RGS6: variants seen among roughly 807,000 people sequenced by gnomAD.
RGS6 encodes the protein regulator of G protein signaling 6.
A neutral mutation model predicts 78.5 loss-of-function variants in RGS6; 30 were observed. That is an observed-to-expected ratio of 0.38 (90% confidence interval 0.29 to 0.52). RGS6 has a LOEUF of 0.52. RGS6 is among the 20% of genes least tolerant of loss of function. RGS6 has a pLI of 0.85. For missense variants in RGS6, 495 were observed against 609.7 expected (o/e 0.81, Z 1.98); for synonymous variants, 206 against 206.0 (o/e 1.00, Z 0.00).
At chr14:72,129,004 T>A (rs563738670) in intron 2 of RGS6, among the ~76,000 whole-genome samples, 3 of 152,294 alleles carry the variant, frequency 2.0e-5, no homozygotes, top group Non-Finnish European at 4.4e-5. Context: ...AGTTTTCTTT[T>A]AAAAAAGGTG....
chr14:72,302,989 C>A (rs563986237), intron 2 of RGS6, among the ~76,000 whole-genome samples: 1 of 152,192 alleles, frequency 6.6e-6, no homozygotes, highest in Non-Finnish European at 1.5e-5. Context: ...GTAAGACATG[C>A]CTTTGCTCCT....
intron 2 of RGS6, among the ~76,000 whole-genome samples, chr14:72,120,378 T>G (rs1247497293): frequency 4.6e-5 from 7 of 152,254 alleles, no homozygotes; most frequent in African/African-American, 1.7e-4. Flanking sequence ...GGAAGAGTCT[T>G]GATTTGCTGC....
At chr14:72,407,601 C>T (rs770090549) in intron 3 of RGS6, among the ~76,000 whole-genome samples, 6 of 152,178 alleles carry the variant, frequency 3.9e-5, no homozygotes, top group Non-Finnish European at 7.3e-5. Context: ...CCTCAAGGTC[C>T]GTGTTATTCT....
At chr14:71,979,035 T>G (rs1280810502) in intron 2 of RGS6, among the ~76,000 whole-genome samples, 1 of 151,698 alleles carries the variant, frequency 6.6e-6, no homozygotes, top group Non-Finnish European at 1.5e-5. Flanking sequence ...TTCTAGACTT[T>G]CTAGTTTATT....
intron 2 of RGS6, among the ~76,000 whole-genome samples, chr14:72,136,594 C>T (rs2096446571): frequency 6.6e-6 from 1 of 152,132 alleles, no homozygotes; most frequent in Non-Finnish European, 1.5e-5. Context: ...TCCATGAGAA[C>T]AGTATTGGGG....
intron 2 of RGS6, among the ~76,000 whole-genome samples, chr14:72,085,346 C>T (rs1028005604): frequency 1.3e-5 from 2 of 152,170 alleles, no homozygotes; most frequent in Non-Finnish European, 2.9e-5. Flanking sequence ...GGTTAAGTCA[C>T]TTGCTCAGTG....
the RGS6 span, among the ~76,000 whole-genome samples, chr14:72,613,020 G>C: frequency 2.0e-5 from 3 of 151,996 alleles, no homozygotes; most frequent in African/African-American, 7.2e-5. Context: ...GTGTGTGTGT[G>C]TGTGTGTGTG....
intron 17 of RGS6, among the ~76,000 whole-genome samples, chr14:72,552,402 AGGGCCACC>A (rs2097521020): frequency 6.6e-6 from 1 of 152,128 alleles, no homozygotes; most frequent in Admixed American, 6.6e-5. Flanking sequence ...GGAGGTGGGG[AGGGCCACC>A]AGGCAAATGG....
the RGS6 span, among the ~76,000 whole-genome samples, chr14:72,617,217 C>G: frequency 1.3e-5 from 2 of 152,240 alleles, no homozygotes; most frequent in Non-Finnish European, 2.9e-5. Flanking sequence ...TGTAGAGCCA[C>G]AGTTTGGGGT....
chr14:72,135,878 G>A (rs56118783), intron 2 of RGS6, among the ~76,000 whole-genome samples: 10,222 of 152,142 alleles, frequency 0.067, 395 homozygotes, highest in Non-Finnish European at 0.097. Context: ...GGAGGAAGAG[G>A]AGGAGGAGAG....
the RGS6 span, among the ~76,000 whole-genome samples, chr14:72,589,412 T>G: frequency 2.0e-5 from 3 of 152,124 alleles, no homozygotes; most frequent in African/African-American, 7.2e-5. Flanking sequence ...TAGCTAAGCA[T>G]GGTGGCACAC....
intron 3 of RGS6, among the ~76,000 whole-genome samples, chr14:72,383,286 G>T (rs2086820186): frequency 6.8e-6 from 1 of 147,746 alleles, no homozygotes; most frequent in African/African-American, 2.5e-5. Context: ...ATAAAATAAA[G>T]GTGTATCACG....
intron 1 of RGS6, among the ~76,000 whole-genome samples, chr14:71,939,415 G>A (rs778189939): frequency 2.0e-5 from 3 of 152,188 alleles, no homozygotes; most frequent in Non-Finnish European, 2.9e-5. Flanking sequence ...TAACGTCAAT[G>A]TAATGGACCA....
Position 72,439,246 on chromosome 14 carries a change from T to G in RGS6, c.185-15282T>G, listed in dbSNP as rs138319253. Among the ~76,000 whole-genome samples, 1,276 of 152,346 alleles carry G rather than the reference T, an allele frequency of 8.4e-3. 22 individuals carry two copies. Among genetic ancestry groups the G allele is most frequent in the African/African-American group, 0.029 (1,203 of 41,574 alleles). On this transcript the variant is annotated intron_variant, in intron 3 of 17. Coordinates refer to ENST00000553525, the MANE Select transcript of RGS6 (RefSeq NM_001204424.2). ...GTCAGGGACCACATCTGTTTCTGTC[T>G]CATTCCCCACTTCAGCACAGAGAAC...
intron 3 of RGS6, among the ~76,000 whole-genome samples, chr14:72,363,999 T>TAAAAAAAAAAAAAAAAAAAAAA (rs55943058): frequency 4.3e-5 from 2 of 46,756 alleles, no homozygotes; most frequent in Non-Finnish European, 9.1e-5. Context: ...TGGACAAGGC[T>TAAAAAAAAAAAAAAAAAAAAAA]AAAAAAAAAA....
chr14:72,341,217 G>A (rs530125368), intron 2 of RGS6, among the ~76,000 whole-genome samples: 123 of 152,226 alleles, frequency 8.1e-4, no homozygotes, highest in African/African-American at 2.8e-3. Context: ...CAAAGAGGAC[G>A]AAGTCATGTC....
chr14:72,182,423 A>G (rs1332804099), intron 2 of RGS6, among the ~76,000 whole-genome samples: 9 of 151,580 alleles, frequency 5.9e-5, no homozygotes, highest in African/African-American at 2.2e-4. Flanking sequence ...TCTCAAAAAA[A>G]AAAAAAAAAA....
At chr14:72,299,065 A>T (rs2065501451) in intron 2 of RGS6, among the ~76,000 whole-genome samples, 1 of 152,144 alleles carries the variant, frequency 6.6e-6, no homozygotes, top group African/African-American at 2.4e-5. Context: ...TATTGGCATA[A>T]ATTTGTTCAT....
chr14:72,055,642 A>C (rs559121329), intron 2 of RGS6, among the ~76,000 whole-genome samples: 2 of 152,150 alleles, frequency 1.3e-5, no homozygotes, highest in Non-Finnish European at 2.9e-5. Context: ...AGCATTGAAC[A>C]TAGGGATTTT....
Sources: allele counts gnomAD v4.1 joint callset (sites outside exome capture counted in the v4.1 genomes callset), GRCh38; gene constraint gnomAD v4.1.1; transcripts MANE v1.5; gene names NCBI Gene and HGNC (gene_info 2026-07-23, HGNC 2026-07-21).